VTA1: variants seen among roughly 807,000 people sequenced by gnomAD.
VTA1 encodes the protein vacuolar protein sorting-associated protein VTA1 homolog.
A neutral mutation model predicts 36.9 loss-of-function variants in VTA1; 24 were observed. The observed-to-expected ratio is 0.65, with a 90% CI of 0.47 to 0.91. VTA1 has a LOEUF of 0.91. VTA1 is among the 40% of genes least tolerant of loss of function. The pLI, the probability that VTA1 is intolerant of heterozygous loss-of-function variation, is 0.00. For missense variants in VTA1, 393 were observed against 377.2 expected (o/e 1.04, Z -0.35); for synonymous variants, 142 against 130.2 (o/e 1.09, Z -0.62).
intron 5 of VTA1, among the ~76,000 whole-genome samples, chr6:142,196,608 T>C (rs1775556957): frequency 6.6e-6 from 1 of 152,138 alleles, no homozygotes; most frequent in Admixed American, 6.6e-5. Flanking sequence ...GTTAGTTTTG[T>C]CTCTTTCATT....
intron 1 of VTA1, among the ~76,000 whole-genome samples, chr6:142,148,844 A>G (rs1778511002): frequency 6.6e-6 from 1 of 152,144 alleles, no homozygotes; most frequent in African/African-American, 2.4e-5. Context: ...TATTCTCCAT[A>G]GAGGTTATAA....
intron 2 of VTA1, among the ~76,000 whole-genome samples, chr6:142,167,351 A>C (rs1338472091): frequency 6.6e-6 from 1 of 152,104 alleles, no homozygotes; most frequent in Non-Finnish European, 1.5e-5. Context: ...GTCAGGGTAC[A>C]CTCATTAATT....
At chr6:142,211,958 A>G (rs1318854343) in intron 7 of VTA1, among the ~76,000 whole-genome samples, 2 of 152,230 alleles carry the variant, frequency 1.3e-5, no homozygotes, top group Non-Finnish European at 2.9e-5. Flanking sequence ...GCAAATTAGA[A>G]CAATGAGATA....
At chr6:142,164,758 ATATAT>A in intron 1 of VTA1, among the ~76,000 whole-genome samples, 1 of 152,184 alleles carries the variant, frequency 6.6e-6, no homozygotes, top group Non-Finnish European at 1.5e-5. Context: ...TGGAAACTTA[ATATAT>A]TATAATGAAT....
At chr6:142,169,757 C>T (rs1184169875) in intron 3 of VTA1, 80 bp downstream of exon 3, 6 of 1,236,586 alleles carry the variant, frequency 4.9e-6, no homozygotes, top group Non-Finnish European at 5.3e-6. Context: ...CTCTGGAACA[C>T]TTTCTAACCT....
intron 5 of VTA1, among the ~76,000 whole-genome samples, chr6:142,190,858 T>C (rs941554034): frequency 1.3e-5 from 2 of 152,216 alleles, no homozygotes; most frequent in Admixed American, 1.3e-4. Context: ...AAAATGAGTG[T>C]GGTTGTGTTC....
intron 7 of VTA1, among the ~76,000 whole-genome samples, chr6:142,206,801 T>C (rs1011044988): frequency 4.6e-5 from 7 of 152,082 alleles, no homozygotes; most frequent in Non-Finnish European, 7.4e-5. Context: ...AAAAGTCATA[T>C]GATCTTTGAC....
intron 1 of VTA1, among the ~76,000 whole-genome samples, chr6:142,157,451 T>TA: frequency 6.6e-6 from 1 of 152,374 alleles, no homozygotes; most frequent in Non-Finnish European, 1.5e-5. Context: ...CCATTCCTCT[T>TA]AAGTTTGTTT....
chr6:142,191,551 A>G (rs1232530726), intron 5 of VTA1, among the ~76,000 whole-genome samples: 1 of 152,132 alleles, frequency 6.6e-6, no homozygotes, highest in Admixed American at 6.5e-5. Context: ...AAGTCAGCTT[A>G]AATGGAAGTT....
intron 1 of VTA1, among the ~76,000 whole-genome samples, chr6:142,154,824 A>G (rs1778632514): frequency 6.6e-6 from 1 of 152,034 alleles, no homozygotes; most frequent in African/African-American, 2.4e-5. Flanking sequence ...AGTTCTTAAT[A>G]TATTATAGTT....
intron 5 of VTA1, among the ~76,000 whole-genome samples, chr6:142,196,911 T>A (rs773036807): frequency 2.6e-5 from 4 of 152,200 alleles, no homozygotes; most frequent in African/African-American, 4.8e-5. Flanking sequence ...AAGTTGCTTT[T>A]CTCCAGGGCC....
At chr6:142,203,854 G>A (rs965017715) in intron 6 of VTA1, 131 bp from the exon 7 acceptor site, 2 of 696,556 alleles carry the variant, frequency 2.9e-6, no homozygotes, top group Admixed American at 2.4e-5. Context: ...AGTATGTCAA[G>A]TTAGAATCCA....
chr6:142,195,002 G>A (rs1775519329), intron 5 of VTA1, among the ~76,000 whole-genome samples: 1 of 152,014 alleles, frequency 6.6e-6, no homozygotes. Flanking sequence ...GTCATGATGA[G>A]GCCTTGTATT....
intron 6 of VTA1, among the ~76,000 whole-genome samples, chr6:142,202,595 C>G (rs1775710111): frequency 2.0e-5 from 3 of 151,840 alleles, no homozygotes; most frequent in African/African-American, 7.3e-5. Flanking sequence ...GCAGAACTTA[C>G]TACCATTTGC....
chr6:142,170,521 CAG>C, intron 4 of VTA1, 100 bp downstream of exon 4: 1 of 790,186 alleles, frequency 1.3e-6, no homozygotes, highest in Admixed American at 3.0e-5. Context: ...GAATGTCTGT[CAG>C]AAATTAATGC....
Position 142,224,521 on chromosome 6 carries a change from C to T in VTA1, c.*5878C>T, listed in dbSNP as rs1380303374. The T allele has an allele frequency of 6.6e-6, 1 of 152,104 alleles. No individual in the cohort carries two copies. Among genetic ancestry groups the T allele is most frequent in the Admixed American group, 6.5e-5 (1 of 15,276 alleles). 9.4% of individuals were successfully genotyped at this position (152,104 alleles called of 1,614,324 possible). On this transcript the variant is annotated 3_prime_UTR_variant, in exon 8 of 8. Transcript: ENST00000367630. ...TTAAACTTTATTTATTTACATGTGT[C>T]TCCCTCATTAGATGCTAAGTTCCTT...
At chr6:142,184,502 C>T (rs933087564) in intron 4 of VTA1, among the ~76,000 whole-genome samples, 3 of 152,018 alleles carry the variant, frequency 2.0e-5, no homozygotes, top group African/African-American at 7.2e-5. Flanking sequence ...TCTCATGTAT[C>T]CCCAGCACTT....
intron 1 of VTA1, among the ~76,000 whole-genome samples, chr6:142,148,509 G>A (rs998239290): frequency 6.6e-6 from 1 of 152,068 alleles, no homozygotes; most frequent in African/African-American, 2.4e-5. Context: ...GTTTCCTCAA[G>A]CAGGGTCCAT....
At chr6:142,203,762 C>G (rs905673873) in intron 6 of VTA1, among the ~76,000 whole-genome samples, 1 of 151,980 alleles carries the variant, frequency 6.6e-6, no homozygotes, top group Non-Finnish European at 1.5e-5. Context: ...AGAAGTAATG[C>G]GAAGCATTAG....
Sources: gnomAD v4.1 joint callset for allele counts (sites outside exome capture counted in the v4.1 genomes callset) on GRCh38, gnomAD v4.1.1 for gene constraint, MANE v1.5 for transcripts, NCBI Gene and HGNC (gene_info 2026-07-23, HGNC 2026-07-21) for gene names.